Variants in LCN12 observed in about 807,000 individuals in gnomAD.
LCN12 encodes the protein epididymal-specific lipocalin-12.
Under a neutral mutation model 23.7 loss-of-function variants are expected in LCN12, and 15 were observed. The observed-to-expected ratio is 0.63, with a 90% CI of 0.42 to 0.97. The LOEUF is 0.97. Among genes scored for constraint, LCN12 ranks in the 50% least tolerant of loss-of-function variants. LCN12 has a pLI of 0.00. For synonymous variants in LCN12, 116 were observed against 111.5 expected (o/e 1.04, Z -0.25); for missense variants, 219 against 249.6 (o/e 0.88, Z 0.83).
Position 136,954,377 on chromosome 9 carries a change from T to C in LCN12, c.550+122T>C, listed in dbSNP as rs1249949458. The stretch of plus-strand genomic sequence containing the variant: ...CAGGGAGCTCAGCCCCAGCCTGCGC[T>C]CAGGGGTCTCCAGGCTCCTGGGTCC... On this transcript the variant is annotated intron_variant, in intron 5 of 5. Transcript: ENST00000371633. 6.2e-6 allele frequency: 7 copies of C among 1,133,290 alleles called. 1 individual carries two copies. In the South Asian group the frequency reaches 9.3e-5, roughly 15 times the overall value. The allele number at this position is 1,133,290 out of a possible 1,614,324, so 70.2% of individuals were successfully genotyped here. A position where few individuals can be genotyped will look rare whatever the true frequency, so the allele number is the denominator to read the frequency against.
chr9:136,952,846 T>A, intron 1 of LCN12, 46 bp from the exon 2 acceptor site: 2 of 1,589,414 alleles, frequency 1.3e-6, no homozygotes, highest in Non-Finnish European at 8.6e-7. Context: ...CCCTGCCCAC[T>A]GCCACCCCTG....
chr9:136,953,625 TCTC>T, intron 2 of LCN12, 72 bp from the exon 3 acceptor site: 1 of 1,130,680 alleles, frequency 8.8e-7, no homozygotes. Flanking sequence ...GTGGCTGAAA[TCTC>T]CTGAGGGGCC....
chr9:136,952,952 G>A lies in LCN12; in HGVS notation c.175G>A (p.Ala59Thr), dbSNP rs771832347. 1 of 1,614,008 alleles carries A rather than the reference G, an allele frequency of 6.2e-7. No homozygotes were observed. Among genetic ancestry groups the A allele is most frequent in the Non-Finnish European group, 8.5e-7 (1 of 1,179,986 alleles). The change falls in exon 2 of 6, where the codon GCG becomes ACG. Residue 59 changes from alanine (A) to threonine (T), a missense_variant. Ala to Thr is a moderately conservative substitution (Grantham distance 58). Transcript: ENST00000371633. ...CAACAGCTTCAGGCCGGAGCACAGGGCGCTGCTGAACGCTTTCACCGCAAC... is the reference window on the plus strand; with the variant it reads ...CAACAGCTTCAGGCCGGAGCACAGGACGCTGCTGAACGCTTTCACCGCAAC... ...AGNSFRPEHR[A>T]LLNAFTATFE...
At chr9:136,953,590 T>C (rs1851229282) in intron 2 of LCN12, 110 bp from the exon 3 acceptor site, 4 of 742,832 alleles carry the variant, frequency 5.4e-6, no homozygotes, top group Non-Finnish European at 8.7e-6. Context: ...GCTTGGCCAC[T>C]CCCGCCGTGG....
chr9:136,951,409 A>C (rs553956611), upstream of LCN12: 14 of 152,180 alleles, frequency 9.2e-5, no homozygotes, highest in East Asian at 2.7e-3. Flanking sequence ...GTGCACCACC[A>C]CCCCCAGCTA....
rs1385112594 is a variant in LCN12 at position 136,953,966 on chromosome 9, T to C, written c.448+2T>C. 5.0e-6 allele frequency: 8 copies of C among 1,608,116 alleles called. No homozygotes were observed. Among genetic ancestry groups the C allele is most frequent in the Non-Finnish European group, 6.8e-6 (8 of 1,179,396 alleles). Reference sequence around the variant, plus strand: ...CCGTCCTCAGGATCAGCCTGCTGGGTGAGCCTCCCACCCCGTCCTGGGCCC... The same window carrying C: ...CCGTCCTCAGGATCAGCCTGCTGGGCGAGCCTCCCACCCCGTCCTGGGCCC... On this transcript the variant is annotated splice_donor_variant, in intron 4 of 5. Coordinates refer to ENST00000371633, the MANE Select transcript of LCN12 (RefSeq NM_178536.4). LOFTEE classifies it high-confidence loss of function.
At chr9:136,954,406 T>A in intron 5 of LCN12, 151 bp downstream of exon 5, 1 of 944,452 alleles carries the variant, frequency 1.1e-6, no homozygotes, top group Non-Finnish European at 1.7e-6. Context: ...TGGGTCCCTG[T>A]GCTCAACCCA....
At chr9:136,952,225 G>A, upstream of LCN12, 1 of 817,492 alleles carries the variant, frequency 1.2e-6, no homozygotes, top group Non-Finnish European at 2.1e-6. Context: ...CACCCCCTTG[G>A]GAGGGGCACC....
At chr9:136,952,532 G>A in intron 1 of LCN12, 91 bp downstream of exon 1, 1 of 934,336 alleles carries the variant, frequency 1.1e-6, no homozygotes. Flanking sequence ...ATGCTGCCCA[G>A]AGAGCCAGGA....
chr9:136,951,746 A>G (rs1456755775), upstream of LCN12, among the ~76,000 whole-genome samples: 1 of 152,086 alleles, frequency 6.6e-6, no homozygotes, highest in Non-Finnish European at 1.5e-5. Flanking sequence ...CCCCGGCCTC[A>G]TGGCCACAGG....
chr9:136,953,196 A>C, intron 2 of LCN12, 168 bp downstream of exon 2: 1 of 898,068 alleles, frequency 1.1e-6, no homozygotes, highest in Non-Finnish European at 1.7e-6. Context: ...AAGTGTGGGC[A>C]GCTGGGCGCG....
chr9:136,953,158 A>AGTATACTCCCCTG, intron 2 of LCN12, 130 bp downstream of exon 2: 7 of 1,286,708 alleles, frequency 5.4e-6, no homozygotes, highest in Non-Finnish European at 7.6e-6. Context: ...CCTGCCAATG[A>AGTATACTCCCCTG]CCAAACCCAG....
chr9:136,950,051 CT>C (rs1851111733), upstream of LCN12, among the ~76,000 whole-genome samples: 1 of 152,194 alleles, frequency 6.6e-6, no homozygotes, highest in Non-Finnish European at 1.5e-5. Context: ...CCGCAGGTGC[CT>C]CAAGGCCCGC....
At chr9:136,950,738 C>T (rs1851132984), upstream of LCN12, among the ~76,000 whole-genome samples, 1 of 152,182 alleles carries the variant, frequency 6.6e-6, no homozygotes, top group African/African-American at 2.4e-5. Flanking sequence ...TTCCCTGGGC[C>T]AGCCTCCTGA....
intron 5 of LCN12, chr9:136,954,621 C>T (rs1306908001): frequency 2.2e-6 from 2 of 912,182 alleles, no homozygotes; most frequent in East Asian, 5.9e-5. Flanking sequence ...CCTCCCACCC[C>T]AGGTCCCCTG....
At chr9:136,952,672 A>G (rs1851188791) in intron 1 of LCN12, 1 of 639,072 alleles carries the variant, frequency 1.6e-6, no homozygotes, top group East Asian at 2.7e-5. Context: ...GTGAGGGGAA[A>G]CAGGCTCGGG....
upstream of LCN12, among the ~76,000 whole-genome samples, chr9:136,949,368 G>A (rs899868273): frequency 6.6e-6 from 1 of 152,230 alleles, no homozygotes; most frequent in African/African-American, 2.4e-5. Context: ...GCTGTGTGGG[G>A]CCCCGGGAGC....
chr9:136,951,400 T>A (rs1564445673), upstream of LCN12: 1 of 152,332 alleles, frequency 6.6e-6, no homozygotes, highest in African/African-American at 2.4e-5. Context: ...ACCACAGGTG[T>A]GCACCACCAC....
intron 5 of LCN12, chr9:136,954,472 AC>A (rs1433194373): frequency 1.7e-6 from 1 of 574,488 alleles, no homozygotes; most frequent in Non-Finnish European, 3.1e-6. Flanking sequence ...ACCTCCTCCC[AC>A]CCCGGGTCTC....
Sources: allele counts gnomAD v4.1 joint callset (sites outside exome capture counted in the v4.1 genomes callset), GRCh38; gene constraint gnomAD v4.1.1; transcripts MANE v1.5; gene names NCBI Gene and HGNC (gene_info 2026-07-23, HGNC 2026-07-21).